The following HMCN2 variants were observed in gnomAD, a reference collection of about 807,000 sequenced individuals.
HMCN2 encodes hemicentin 2, also known as hemicentin-2.
A neutral mutation model predicts 377.5 loss-of-function variants in HMCN2; 325 were observed. The observed-to-expected ratio is 0.86, with a 90% CI of 0.79 to 0.94. The LOEUF (loss-of-function observed/expected upper bound fraction) is 0.94, where lower values mean the gene tolerates loss of function less well. Among genes scored for constraint, HMCN2 ranks in the 40% least tolerant of loss-of-function variants. The probability of loss-of-function intolerance (pLI) is 0.00; values close to 1 mark genes in which losing one functional copy is unlikely to be tolerated. For synonymous variants in HMCN2, 2,007 were observed against 2,046.8 expected (o/e 0.98, Z 0.53); for missense variants, 4,543 against 4,725.3 (o/e 0.96, Z 1.13).
At position 130,394,574 on chromosome 9, in the gene HMCN2, A is replaced by G. The variant is rs377518544; in HGVS notation, c.10691A>G (p.Gln3564Arg). 63 of 1,284,094 alleles carry G rather than the reference A, an allele frequency of 4.9e-5. No homozygotes were observed. The East Asian group carries it at 2.8e-3, about 57-fold the overall frequency. 79.5% of individuals were successfully genotyped at this position (1,284,094 alleles called of 1,614,324 possible). A position where few individuals can be genotyped will look rare whatever the true frequency, so the allele number is the denominator to read the frequency against. ...CGGGTGCTCCGGGTGGAGAATGTGC[A>G]GGTACCAGTGCCGCCGCCATGGGGC... Reference protein sequence around the residue: ...ATRVLRVENVQVRDAGLYTCL... With the variant: ...ATRVLRVENVRVRDAGLYTCL... The change falls in exon 69 of 98, where the codon CAG becomes CGG. Residue 3564 changes from glutamine to arginine, a missense_variant and splice_region_variant. Physicochemically the swap from Gln to Arg is conservative, Grantham distance 43. This residue lies in a region of HMCN2 where 1,073 missense variants were observed against 1,319.5 expected (regional missense o/e 0.81). Coordinates refer to ENST00000683500, the MANE Select transcript of HMCN2 (RefSeq NM_001291815.2). The surrounding 1 kb of genome is among the most constrained non-coding windows in gnomAD (Gnocchi z 5.1).
rs1399019517 is a variant in HMCN2 at position 130,348,999 on chromosome 9, G to A, written c.4171G>A (p.Gly1391Ser). 9.2e-6 allele frequency: 12 copies of A among 1,303,946 alleles called. No homozygotes were observed. Among genetic ancestry groups the A allele is most frequent in the East Asian group, 5.5e-5 (1 of 18,020 alleles). The allele number at this position is 1,303,946 out of a possible 1,614,324, so 80.8% of individuals were successfully genotyped here. The change falls in exon 28 of 98, where the codon GGC becomes AGC. Residue 1391 changes from glycine (G) to serine (S), a missense_variant. Transcript: ENST00000683500. ...TCCTACCCAGATTCCTAAGGTGGGC[G>A]GCCACCGCCTCCTGGACGAGGGCCA... is the stretch of plus-strand genomic sequence containing the variant. ...KDAQLIPKVGGHRLLDEGQSL... is the reference protein window; with the variant it reads ...KDAQLIPKVGSHRLLDEGQSL...
Position 130,427,619 on chromosome 9 carries a change from G to A in HMCN2, c.14065G>A (p.Asp4689Asn), listed in dbSNP as rs536612159. Residue 4689 changes from aspartate to asparagine, a missense_variant and splice_region_variant, in exon 92 of 98, where the codon GAT (aspartate) becomes AAT (asparagine). Asp to Asn is a conservative substitution (Grantham distance 23). This residue lies in a region of HMCN2 where 1,155 missense variants were observed against 1,157.7 expected (regional missense o/e 1.00). Transcript: ENST00000683500. The stretch of plus-strand genomic sequence containing the variant: ...GGCCTGGGATGACAGGAACTGCAGA[G>A]GTGAGGGAGCTGCCGGGAGGAGGGA... ...ALAWDDRNCRDVDECAWDAHL... is the reference protein window; with the variant it reads ...ALAWDDRNCRNVDECAWDAHL... 409 of 1,549,680 alleles carry A rather than the reference G, an allele frequency of 2.6e-4. No homozygotes were observed. In the South Asian group the frequency reaches 4.5e-3, roughly 17 times the overall value.
chr9:130,282,986 G>A (rs933875717), intron 1 of HMCN2, among the ~76,000 whole-genome samples: 6 of 152,168 alleles, frequency 3.9e-5, no homozygotes, highest in South Asian at 2.1e-4. Context: ...CAAGAGAATC[G>A]CTTGAACCTG....
intron 49 of HMCN2, among the ~76,000 whole-genome samples, chr9:130,375,134 G>T (rs764275769): frequency 3.3e-5 from 5 of 152,226 alleles, no homozygotes; most frequent in Non-Finnish European, 5.9e-5. Context: ...TAAAATGCTG[G>T]CAGTTAAAAG....
At position 130,422,828 on chromosome 9, in the gene HMCN2, C is replaced by A; in HGVS notation, c.13381+102C>A. 1.0e-6 allele frequency: 1 copy of A among 999,758 alleles called. No homozygotes were observed. Among genetic ancestry groups the A allele is most frequent in the Non-Finnish European group, 1.3e-6 (1 of 772,580 alleles). The allele number at this position is 999,758 out of a possible 1,614,324, so 61.9% of individuals were successfully genotyped here. ...CCTAGGAGGCGCAGAGCCTGTGCCC[C>A]GAGACTTGCTCAAGGCCTGATGACC... On this transcript the variant is annotated intron_variant, in intron 87 of 97. Transcript: ENST00000683500. The surrounding 1 kb of genome is among the most constrained non-coding windows in gnomAD (Gnocchi z 4.2).
chr9:130,433,744 CGAG>C lies in HMCN2; in HGVS notation c.*55_*57del, dbSNP rs1466787575. 2 of 1,346,906 alleles carry C rather than the reference CGAG, an allele frequency of 1.5e-6. No homozygotes were observed. The highest frequency in any genetic ancestry group is 1.6e-5 in the South Asian group (1 of 61,220). The allele number at this position is 1,346,906 out of a possible 1,614,324, so 83.4% of individuals were successfully genotyped here. The stretch of plus-strand genomic sequence containing the variant: ...CTGGCGTGACCCCCGAGGAAGGGGT[CGAG>C]GAGAAGCTTGGTCCACGCCACCTGC... On this transcript the variant is annotated 3_prime_UTR_variant, in exon 98 of 98. Transcript: ENST00000683500.
chr9:130,410,733 C>T (rs563271682), intron 85 of HMCN2, 81 bp downstream of exon 85: 35 of 1,174,510 alleles, frequency 3.0e-5, no homozygotes, highest in African/African-American at 2.9e-4. Flanking sequence ...AGAGGGCAGA[C>T]GGCAGGGCTG....
At chr9:130,322,771 C>A (rs937513651) in intron 19 of HMCN2, among the ~76,000 whole-genome samples, 1 of 152,212 alleles carries the variant, frequency 6.6e-6, no homozygotes, top group Admixed American at 6.5e-5. Context: ...TGCTCTCCTG[C>A]CCACAGCACT....
chr9:130,357,093 G>A (rs1840065271), intron 34 of HMCN2, among the ~76,000 whole-genome samples: 1 of 151,662 alleles, frequency 6.6e-6, no homozygotes, highest in Admixed American at 6.6e-5. Context: ...TGGATGGATG[G>A]ATGGAAAGGT....
intron 71 of HMCN2, 135 bp from the exon 72 acceptor site, chr9:130,395,789 G>A: frequency 3.2e-6 from 3 of 932,974 alleles, no homozygotes; most frequent in East Asian, 6.4e-5. Flanking sequence ...GGCACAGTCA[G>A]GGCCTGCGGT....
chr9:130,416,100 A>ATTTTT (rs34382467), intron 85 of HMCN2, among the ~76,000 whole-genome samples: 6 of 130,736 alleles, frequency 4.6e-5, no homozygotes, highest in African/African-American at 8.7e-5. Flanking sequence ...TAGAGGCTTT[A>ATTTTT]TTTTTTTTTT....
At chr9:130,313,576 G>A (rs1837380985) in intron 15 of HMCN2, among the ~76,000 whole-genome samples, 1 of 147,784 alleles carries the variant, frequency 6.8e-6, no homozygotes. Context: ...TAGGGCTTGC[G>A]TGGAATAAAT....
intron 89 of HMCN2, 112 bp downstream of exon 89, chr9:130,425,242 C>T: frequency 8.1e-7 from 1 of 1,230,186 alleles, no homozygotes; most frequent in South Asian, 1.6e-5. Flanking sequence ...GACAGCGCTG[C>T]AGGGCTGGGT....
At chr9:130,398,854 A>T (rs1249476419) in intron 75 of HMCN2, 147 bp downstream of exon 75, 7 of 640,670 alleles carry the variant, frequency 1.1e-5, no homozygotes, top group African/African-American at 1.9e-5. Context: ...AACTTTGGGG[A>T]TCAGAGAGTC....
intron 56 of HMCN2, among the ~76,000 whole-genome samples, 177 bp downstream of exon 56, chr9:130,383,043 C>T (rs542964634): frequency 3.2e-4 from 49 of 152,330 alleles, no homozygotes; most frequent in Admixed American, 7.8e-4. Flanking sequence ...GGCCTGTGCA[C>T]GGCATCCAGA....
chr9:130,287,939 T>C (rs1224089138), intron 4 of HMCN2, among the ~76,000 whole-genome samples: 6 of 152,190 alleles, frequency 3.9e-5, no homozygotes, highest in Non-Finnish European at 7.4e-5. Context: ...GGAGTGTGTT[T>C]AGATTAGCGT....
rs1425072589 is a variant in HMCN2, at chr9:130,395,924, G to A, written c.10912G>A (p.Glu3638Lys). Residue 3638 changes from glutamate (E) to lysine (K), a missense_variant and splice_region_variant, in exon 72 of 98, where the codon GAG (glutamate) becomes AAG (lysine). Coordinates refer to ENST00000683500, the MANE Select transcript of HMCN2 (RefSeq NM_001291815.2). ...TGTCCACCCTGGCGGGGCTCTCCAG[G>A]AGGACGCCCACACACAATTCCCGGA... ...TWHRDGIVLQ[E>K]DAHTQFPERG... 1 of 1,286,836 alleles carries A rather than the reference G, an allele frequency of 7.8e-7. No homozygotes were observed. The allele number at this position is 1,286,836 out of a possible 1,614,324, so 79.7% of individuals were successfully genotyped here. A position where few individuals can be genotyped will look rare whatever the true frequency, so the allele number is the denominator to read the frequency against.
chr9:130,314,839 G>A (rs1837447456), intron 15 of HMCN2, among the ~76,000 whole-genome samples: 1 of 152,164 alleles, frequency 6.6e-6, no homozygotes, highest in Non-Finnish European at 1.5e-5. Flanking sequence ...GGTGAAAATA[G>A]AGTTACCGCC....
Position 130,423,152 on chromosome 9 carries a change from A to G in HMCN2, c.13381+426A>G, listed in dbSNP as rs1288818622. On this transcript the variant is annotated intron_variant, in intron 87 of 97. Coordinates refer to ENST00000683500, the MANE Select transcript of HMCN2 (RefSeq NM_001291815.2). The surrounding 1 kb of genome is among the most constrained non-coding windows in gnomAD (Gnocchi z 5.5). Reference sequence around the variant, plus strand: ...CTGGAGGTGACGGGAAGCGGGAAACATGGAGAATTGAATTGCCTAGAAAAC... The same window carrying G: ...CTGGAGGTGACGGGAAGCGGGAAACGTGGAGAATTGAATTGCCTAGAAAAC... 1.3e-5 allele frequency among the ~76,000 whole-genome samples: 2 copies of G among 152,170 alleles called. No homozygotes were observed. Among genetic ancestry groups the G allele is most frequent in the South Asian group, 2.1e-4 (1 of 4,830 alleles).
Sources: allele counts gnomAD v4.1 joint callset (sites outside exome capture counted in the v4.1 genomes callset), GRCh38; gene constraint gnomAD v4.1.1; regional missense constraint gnomAD v4.1.1; non-coding constraint Gnocchi (gnomAD v3.1); transcripts MANE v1.5; gene names NCBI Gene and HGNC (gene_info 2026-07-23, HGNC 2026-07-21).